OR11A1: variants seen among roughly 807,000 people sequenced by gnomAD.
OR11A1 encodes olfactory receptor 11A1.
For synonymous variants in OR11A1, 158 were observed against 152.2 expected (o/e 1.04, Z -0.28); for missense variants, 380 against 378.2 (o/e 1.00, Z -0.04).
At chr6:29,430,486 A>G (rs574278196) in intron 2 of OR11A1, 61 bp from the exon 3 acceptor site, 72 of 951,022 alleles carry the variant, frequency 7.6e-5, no homozygotes, top group Non-Finnish European at 8.6e-5. Flanking sequence ...TAAATAGCTC[A>G]TGACCACTAC....
rs555972128 is a variant in OR11A1 at position 29,431,602 on chromosome 6, T to C, written c.-265+262A>G. On this transcript the variant is annotated intron_variant, in intron 2 of 4. Coordinates refer to ENST00000377149, the MANE Select transcript of OR11A1 (RefSeq NM_001394828.1). ...CCCATCTCCAAAAGAGAAGAGAGAA[T>C]TAAAAAAATAAGTCAGTATGCACCC... Among the ~76,000 whole-genome samples the C allele has an allele frequency of 4.6e-5, 7 of 152,116 alleles. No homozygotes were observed. In the East Asian group the frequency reaches 1.2e-3, roughly 25 times the overall value.
At chr6:29,442,368 G>A (rs1171056563) in intron 1 of OR11A1, among the ~76,000 whole-genome samples, 1 of 151,996 alleles carries the variant, frequency 6.6e-6, no homozygotes, top group African/African-American at 2.4e-5. Context: ...AAGCTGAGAG[G>A]GTGAATCAAA....
At chr6:29,440,062 T>A in intron 1 of OR11A1, 1 of 1,613,190 alleles carries the variant, frequency 6.2e-7, no homozygotes, top group African/African-American at 1.3e-5. Context: ...CTTCTCGGCT[T>A]CTCCCACCTG....
rs1183629623 is a variant in OR11A1 at position 29,425,910 on chromosome 6, T to C, written c.*784A>G. 1 of 152,122 alleles carries C rather than the reference T, an allele frequency of 6.6e-6. No individual in the cohort carries two copies. 9.4% of individuals were successfully genotyped at this position (152,122 alleles called of 1,614,324 possible). On this transcript the variant is annotated 3_prime_UTR_variant, in exon 5 of 5. Transcript: ENST00000377149. ...AACAATGTACAGTAAAAGAATAGAA[T>C]ACAACTAAAAATTCCCAAAATAGAA... is the stretch of plus-strand genomic sequence containing the variant.
At chr6:29,433,318 C>G (rs1783370259) in intron 1 of OR11A1, among the ~76,000 whole-genome samples, 1 of 152,058 alleles carries the variant, frequency 6.6e-6, no homozygotes, top group Admixed American at 6.6e-5. Context: ...TAACCTTTGA[C>G]CAATATCTTC....
chr6:29,435,366 C>T (rs909498361), intron 1 of OR11A1, among the ~76,000 whole-genome samples: 1 of 152,196 alleles, frequency 6.6e-6, no homozygotes, highest in Non-Finnish European at 1.5e-5. Context: ...ACTTCAAGCT[C>T]AAGTTTGACA....
At chr6:29,444,494 A>G (rs78873549) in intron 1 of OR11A1, among the ~76,000 whole-genome samples, 7,703 of 152,240 alleles carry the variant, frequency 0.051, 376 homozygotes, top group African/African-American at 0.12. Flanking sequence ...CAATTTCATC[A>G]TCAATAAACA....
intron 1 of OR11A1, among the ~76,000 whole-genome samples, chr6:29,454,565 T>TA (rs959792652): frequency 8.5e-5 from 13 of 152,208 alleles, no homozygotes; most frequent in South Asian, 4.1e-4. Flanking sequence ...AGGTTTTTTA[T>TA]AAAAAAAATT....
chr6:29,429,193 A>G (rs981346171), intron 3 of OR11A1, among the ~76,000 whole-genome samples: 1 of 152,216 alleles, frequency 6.6e-6, no homozygotes, highest in African/African-American at 2.4e-5. Flanking sequence ...TGGATGCCTC[A>G]GGGACCACAG....
At position 29,453,011 on chromosome 6, in the gene OR11A1, TA is replaced by T. The variant is rs1448998392; in HGVS notation, c.-389+3975del. On this transcript the variant is annotated intron_variant, in intron 1 of 4. Coordinates refer to ENST00000377149, the MANE Select transcript of OR11A1 (RefSeq NM_001394828.1). The surrounding 1 kb of genome is among the most constrained non-coding windows in gnomAD (Gnocchi z 4.5). ...GAGGAATTATAACTAATTTTATTAT[TA>T]TCAGATTTTTATATTCTATGTTAAA... Among the ~76,000 whole-genome samples the T allele has an allele frequency of 6.6e-6, 1 of 151,660 alleles. No individual in the cohort carries two copies. The highest frequency in any genetic ancestry group is 6.6e-5 in the Admixed American group (1 of 15,236).
chr6:29,427,792 CA>C, intron 4 of OR11A1, 60 bp from the exon 5 acceptor site: 1 of 1,277,196 alleles, frequency 7.8e-7, no homozygotes, highest in Non-Finnish European at 1.0e-6. Flanking sequence ...CTCGCTCACG[CA>C]AGTCTTCAAC....
At chr6:29,454,532 G>A (rs1488787570) in intron 1 of OR11A1, among the ~76,000 whole-genome samples, 1 of 152,144 alleles carries the variant, frequency 6.6e-6, no homozygotes, top group Non-Finnish European at 1.5e-5. Context: ...AATTGACAGA[G>A]CCACTTTGGA....
intron 1 of OR11A1, among the ~76,000 whole-genome samples, chr6:29,443,133 T>G (rs1784371675): frequency 6.6e-6 from 1 of 152,084 alleles, no homozygotes; most frequent in Admixed American, 6.5e-5. Flanking sequence ...GAAGTACAAT[T>G]GGCATATGAC....
intron 1 of OR11A1, among the ~76,000 whole-genome samples, chr6:29,441,511 G>C (rs1334512283): frequency 7.9e-5 from 12 of 152,200 alleles, no homozygotes; most frequent in Admixed American, 6.5e-4. Context: ...TCTGATGTCA[G>C]ACAGACTTAA....
chr6:29,456,103 G>T (rs1284608327), intron 1 of OR11A1, among the ~76,000 whole-genome samples: 9 of 151,536 alleles, frequency 5.9e-5, no homozygotes, highest in Admixed American at 1.3e-4. Context: ...GGTGGTACAT[G>T]TCTATAATCC....
At chr6:29,440,936 G>A (rs555486632) in intron 1 of OR11A1, 1 of 1,609,666 alleles carries the variant, frequency 6.2e-7, no homozygotes, top group African/African-American at 1.3e-5. Flanking sequence ...TCCAGAAAAC[G>A]GTGCCTATGG....
At chr6:29,428,563 G>A (rs1160580352) in intron 4 of OR11A1, 2 of 177,506 alleles carry the variant, frequency 1.1e-5, no homozygotes, top group Non-Finnish European at 2.2e-5. Flanking sequence ...AGACCATCCT[G>A]ACTAACACAG....
chr6:29,432,169 G>A lies in OR11A1; in HGVS notation c.-388-182C>T, dbSNP rs779668740. The A allele has an allele frequency of 8.7e-4, 163 of 186,714 alleles. 1 individual carries two copies. Among genetic ancestry groups the A allele is most frequent in the Non-Finnish European group, 5.0e-4 (50 of 99,676 alleles). 11.6% of individuals were successfully genotyped at this position (186,714 alleles called of 1,614,324 possible). A position where few individuals can be genotyped will look rare whatever the true frequency, so the allele number is the denominator to read the frequency against. On this transcript the variant is annotated intron_variant, in intron 1 of 4. Transcript: ENST00000377149. ...TTGCCACAAAGGGAGAGGCCCCTGAGAACCAATTACAGATTTACTGGAGAG... is the reference window on the plus strand; with the variant it reads ...TTGCCACAAAGGGAGAGGCCCCTGAAAACCAATTACAGATTTACTGGAGAG...
At position 29,431,916 on chromosome 6, in the gene OR11A1, T is replaced by A. The variant is rs987548530; in HGVS notation, c.-317A>T. 3.0e-6 allele frequency: 3 copies of A among 985,248 alleles called. No individual in the cohort carries two copies. Among genetic ancestry groups the A allele is most frequent in the African/African-American group, 3.5e-5 (2 of 57,246 alleles). 61.0% of individuals were successfully genotyped at this position (985,248 alleles called of 1,614,324 possible). ...ACAGGACTGTGAGGAGGAGATGATC[T>A]GCTAAGATTTGCTGAAGACTTCAGA... On this transcript the variant is annotated 5_prime_UTR_variant, in exon 2 of 5. Coordinates refer to ENST00000377149, the MANE Select transcript of OR11A1 (RefSeq NM_001394828.1).
Sources: gnomAD v4.1 joint callset for allele counts (sites outside exome capture counted in the v4.1 genomes callset) on GRCh38, gnomAD v4.1.1 for gene constraint, Gnocchi (gnomAD v3.1) non-coding constraint, MANE v1.5 for transcripts, NCBI Gene and HGNC (gene_info 2026-07-23, HGNC 2026-07-21) for gene names.